DAGLB: variants seen among roughly 807,000 people sequenced by gnomAD.
The protein encoded by DAGLB is diacylglycerol lipase-beta.
A neutral mutation model predicts 72.1 loss-of-function variants in DAGLB; 66 were observed. The observed-to-expected ratio is 0.92, with a 90% CI of 0.75 to 1.12. The LOEUF (loss-of-function observed/expected upper bound fraction) is 1.12, where lower values mean the gene tolerates loss of function less well. Among genes scored for constraint, DAGLB ranks in the 50% most tolerant of loss-of-function variants. The pLI is 0.00. For synonymous variants in DAGLB, 414 were observed against 359.5 expected, an observed-to-expected ratio of 1.15 and a Z score of -1.71; for missense variants, 1,065 against 884.9, an observed-to-expected ratio of 1.20 and a Z score of -2.58.
intron 7 of DAGLB, among the ~76,000 whole-genome samples, chr7:6,425,782 T>G (rs1014063605): frequency 6.6e-6 from 1 of 152,232 alleles, no homozygotes; most frequent in Non-Finnish European, 1.5e-5. Flanking sequence ...GTCTCTATCT[T>G]ATGTGAAACC....
intron 13 of DAGLB, among the ~76,000 whole-genome samples, chr7:6,411,193 G>A (rs983882825): frequency 1.9e-4 from 28 of 150,932 alleles, no homozygotes; most frequent in South Asian, 8.4e-4. Flanking sequence ...ATTTTTAGTA[G>A]AGACGGGGTT....
rs1222600311 is a variant in DAGLB at position 6,446,085 on chromosome 7, A to C, written c.115T>G (p.Leu39Val). The C allele has an allele frequency of 1.5e-5, 24 of 1,591,970 alleles. No individual in the cohort carries two copies. Among genetic ancestry groups the C allele is most frequent in the African/African-American group, 2.7e-5 (2 of 73,084 alleles). Residue 39 changes from leucine (L) to valine (V), a missense_variant, in exon 2 of 15, where the codon TTG becomes GTG. Transcript: ENST00000297056. ...RVLWWIGILT[L>V]YLMHRGKLDC... ...AGCTTTCCTCTGTGCATGAGATACA[A>C]CGTCAGAATGCCAATCCACCTGGCA...
chr7:6,443,207 C>CA (rs542608003), intron 2 of DAGLB, among the ~76,000 whole-genome samples: 1,250 of 41,330 alleles, frequency 0.03, 9 homozygotes, highest in Admixed American at 0.072. Context: ...AAACAAAAAA[C>CA]AAAAAAAACA....
At chr7:6,430,287 G>A (rs1014155860) in intron 6 of DAGLB, among the ~76,000 whole-genome samples, 193 bp downstream of exon 6, 1 of 90,206 alleles carries the variant, frequency 1.1e-5, no homozygotes, top group African/African-American at 4.7e-5. Flanking sequence ...ATATATGCAG[G>A]GGGGAGGGAG....
chr7:6,441,176 C>T (rs1374009126), intron 2 of DAGLB, among the ~76,000 whole-genome samples: 2 of 150,760 alleles, frequency 1.3e-5, no homozygotes, highest in Non-Finnish European at 2.9e-5. Context: ...CTGCAAGCTC[C>T]GCCTCCCAGG....
At chr7:6,441,382 C>T (rs984997318) in intron 2 of DAGLB, among the ~76,000 whole-genome samples, 7 of 150,680 alleles carry the variant, frequency 4.6e-5, no homozygotes, top group Non-Finnish European at 1.0e-4. Context: ...TGAGCCACCG[C>T]GCCCGGCCAC....
At chr7:6,440,661 C>T (rs549430305) in intron 2 of DAGLB, among the ~76,000 whole-genome samples, 9 of 152,210 alleles carry the variant, frequency 5.9e-5, no homozygotes, top group African/African-American at 2.2e-4. Flanking sequence ...CTTTGGGAGG[C>T]CATGGCGGGA....
chr7:6,421,185 G>A lies in DAGLB; in HGVS notation c.1218+542C>T, dbSNP rs573521525. Among the ~76,000 whole-genome samples, 7 of 152,348 alleles carry A rather than the reference G, an allele frequency of 4.6e-5. 1 individual carries two copies. The highest frequency in any genetic ancestry group is 1.7e-4 in the African/African-American group (7 of 41,592). On this transcript the variant is annotated intron_variant, in intron 9 of 14. Transcript: ENST00000297056. Reference sequence around the variant, plus strand: ...AAAAGCCACAGAGCTGGGCTCAAATGCCCAACCTGCTACTTATTCCAGTAG... The same window carrying A: ...AAAAGCCACAGAGCTGGGCTCAAATACCCAACCTGCTACTTATTCCAGTAG...
At position 6,424,750 on chromosome 7, in the gene DAGLB, A is replaced by T; in HGVS notation, c.1140+2T>A. ...GGCTGGAAAGTCAGGTTCCAACGTT[A>T]CCTGCAGAGACATGGTCCCCCTCAC... is the stretch of plus-strand genomic sequence containing the variant. On this transcript the variant is annotated splice_donor_variant, in intron 8 of 14. Coordinates refer to ENST00000297056, the MANE Select transcript of DAGLB (RefSeq NM_139179.4). LOFTEE classifies it high-confidence loss of function. 6.2e-7 allele frequency: 1 copy of T among 1,613,396 alleles called. No homozygotes were observed. The highest frequency in any genetic ancestry group is 8.5e-7 in the Non-Finnish European group (1 of 1,179,718).
At chr7:6,425,476 T>C (rs992632744) in intron 7 of DAGLB, among the ~76,000 whole-genome samples, 5 of 152,148 alleles carry the variant, frequency 3.3e-5, no homozygotes, top group Admixed American at 2.0e-4. Flanking sequence ...TTCACCATAT[T>C]GGCCAGGCTG....
At chr7:6,438,579 C>A (rs896289252) in intron 2 of DAGLB, among the ~76,000 whole-genome samples, 3 of 152,008 alleles carry the variant, frequency 2.0e-5, no homozygotes, top group African/African-American at 4.8e-5. Context: ...TCTGCATACA[C>A]ACTGCTTCCT....
rs772287982 is a variant in DAGLB, at chr7:6,424,837, T to G, written c.1057-2A>C. On this transcript the variant is annotated splice_acceptor_variant, in intron 7 of 14. Transcript: ENST00000297056. LOFTEE classifies it high-confidence loss of function. ...CACTAAAAACGGCAGCTCGTAAACC[T>G]GCAGGAGCAAGAAACAAGCATGGGG... 4 of 1,613,346 alleles carry G rather than the reference T, an allele frequency of 2.5e-6. No homozygotes were observed. The Admixed American group carries it at 6.7e-5, about 27-fold the overall frequency.
At chr7:6,437,774 T>G (rs940291191) in intron 2 of DAGLB, among the ~76,000 whole-genome samples, 2 of 152,050 alleles carry the variant, frequency 1.3e-5, no homozygotes, top group African/African-American at 4.8e-5. Context: ...TCAGCCTCCC[T>G]AGTAGCTGGG....
Position 6,432,116 on chromosome 7 carries a change from C to T in DAGLB, c.801+721G>A, listed in dbSNP as rs146432047. Among the ~76,000 whole-genome samples, 1,420 of 151,046 alleles carry T rather than the reference C, an allele frequency of 9.4e-3. 20 individuals carry two copies. Among genetic ancestry groups the T allele is most frequent in the Middle Eastern group, 0.033 (9 of 274 alleles). On this transcript the variant is annotated intron_variant, in intron 5 of 14. Coordinates refer to ENST00000297056, the MANE Select transcript of DAGLB (RefSeq NM_139179.4). ...CTGTAATCCCAGCACTCTGGGAAGC[C>T]GAGGCAGGCAGATTACCTGAGGTCA...
At chr7:6,416,778 G>A (rs771124900) in intron 10 of DAGLB, 24 bp from the exon 11 acceptor site, 5 of 1,614,028 alleles carry the variant, frequency 3.1e-6, no homozygotes. Context: ...AGCAGAATGA[G>A]GTGAAGGGTA....
At chr7:6,413,985 C>A (rs1275838055) in intron 11 of DAGLB, among the ~76,000 whole-genome samples, 1 of 152,188 alleles carries the variant, frequency 6.6e-6, no homozygotes, top group African/African-American at 2.4e-5. Context: ...GTCAAAACCA[C>A]CACATTCTAC....
intron 6 of DAGLB, among the ~76,000 whole-genome samples, chr7:6,429,120 A>G (rs1784401495): frequency 6.6e-6 from 1 of 152,042 alleles, no homozygotes; most frequent in Non-Finnish European, 1.5e-5. Context: ...AAGATATTTA[A>G]ATGGTCTCAA....
intron 6 of DAGLB, among the ~76,000 whole-genome samples, chr7:6,426,516 C>G (rs1487645516): frequency 6.6e-6 from 1 of 152,168 alleles, no homozygotes; most frequent in African/African-American, 2.4e-5. Flanking sequence ...GCGAACTGCC[C>G]GTCTTGGCCT....
At chr7:6,447,062 C>G (rs960153683) in intron 1 of DAGLB, among the ~76,000 whole-genome samples, 7 of 152,180 alleles carry the variant, frequency 4.6e-5, no homozygotes, top group African/African-American at 1.4e-4. Context: ...TGGTCTCAAA[C>G]TCCTGCCCTC....
Sources: allele counts gnomAD v4.1 joint callset (sites outside exome capture counted in the v4.1 genomes callset), GRCh38; gene constraint gnomAD v4.1.1; transcripts MANE v1.5; gene names NCBI Gene and HGNC (gene_info 2026-07-23, HGNC 2026-07-21).